ULK4: variants seen among roughly 807,000 people sequenced by gnomAD.
ULK4 encodes inactive serine/threonine-protein kinase ULK4.
In ULK4, 133 loss-of-function variants were observed where a neutral mutation model predicts 160.6. That is an observed-to-expected ratio of 0.83 (90% confidence interval 0.72 to 0.96). The LOEUF (loss-of-function observed/expected upper bound fraction) is 0.96, where lower values mean the gene tolerates loss of function less well. Ranked by LOEUF, ULK4 falls within the 40% of genes least tolerant of loss-of-function variation. The probability of loss-of-function intolerance (pLI) is 0.00; values close to 1 mark genes in which losing one functional copy is unlikely to be tolerated. For missense variants in ULK4, 1,580 were observed against 1,499.5 expected (o/e 1.05, Z -0.89); for synonymous variants, 534 against 539.8 (o/e 0.99, Z 0.15).
chr3:41,807,440 G>A (rs1395229005), intron 19 of ULK4, among the ~76,000 whole-genome samples: 1 of 152,004 alleles, frequency 6.6e-6, no homozygotes, highest in Non-Finnish European at 1.5e-5. Flanking sequence ...ATATAAAAAC[G>A]TTTACAAATG....
intron 2 of ULK4, among the ~76,000 whole-genome samples, chr3:41,954,196 G>C: frequency 9.1e-6 from 1 of 109,548 alleles, no homozygotes; most frequent in South Asian, 3.1e-4. Flanking sequence ...AAAAAAAAAA[G>C]AAAAATACAA....
intron 35 of ULK4, among the ~76,000 whole-genome samples, chr3:41,396,180 T>C (rs1470528680): frequency 6.6e-6 from 1 of 152,126 alleles, no homozygotes; most frequent in East Asian, 1.9e-4. Context: ...GAGCCCATGT[T>C]TGGTCTTTAT....
At position 41,321,685 on chromosome 3, in the gene ULK4, G is replaced by A. The variant is rs1181185489; in HGVS notation, c.3679-72111C>T. On this transcript the variant is annotated intron_variant, in intron 35 of 36. Coordinates refer to ENST00000301831, the MANE Select transcript of ULK4 (RefSeq NM_017886.4). ...CTTCCTGATAGGAGTCGGGTGAGTG[G>A]GCTCAAGCATGTGCACTAAGAGGCA... 3.5e-5 allele frequency among the ~76,000 whole-genome samples: 4 copies of A among 113,096 alleles called. 2 individuals carry two copies. Among genetic ancestry groups the A allele is most frequent in the Non-Finnish European group, 7.3e-5 (4 of 54,650 alleles). The allele number at this position is 113,096 out of a possible 152,430, so 74.2% of individuals were successfully genotyped here.
intron 17 of ULK4, among the ~76,000 whole-genome samples, chr3:41,846,825 T>A (rs960278455): frequency 7.3e-4 from 99 of 136,238 alleles, no homozygotes; most frequent in African/African-American, 2.6e-3. Context: ...AAAAAAAAAA[T>A]CTTACCATTG....
In ULK4 at chr3:41,293,602, T is replaced by C. The variant is rs185571306; in HGVS notation, c.3679-44028A>G. Among the ~76,000 whole-genome samples, 12 of 152,282 alleles carry C rather than the reference T, an allele frequency of 7.9e-5. 1 individual carries two copies. In the South Asian group the frequency reaches 1.5e-3, roughly 18 times the overall value. On this transcript the variant is annotated intron_variant, in intron 35 of 36. Coordinates refer to ENST00000301831, the MANE Select transcript of ULK4 (RefSeq NM_017886.4). ...GAGCTTTGTAGTCTGATACCCTGGG[T>C]TGAAATCCTATCTCCACTGTTTCCT...
chr3:41,688,363 G>A (rs2036167997), intron 27 of ULK4, among the ~76,000 whole-genome samples: 1 of 152,176 alleles, frequency 6.6e-6, no homozygotes. Context: ...AGACCAGCCT[G>A]AGCCACATAG....
rs756348191 is a variant in ULK4, at chr3:41,819,502, T to A, written c.1769A>T (p.Glu590Val). The change falls in exon 19 of 37, where the codon GAA (glutamate) becomes GTA (valine). Residue 590 changes from glutamate to valine, a missense_variant. Coordinates refer to ENST00000301831, the MANE Select transcript of ULK4 (RefSeq NM_017886.4). ...GCACTCTCTAGGGTTCTTTTTTTTT[T>A]CTTCCTAAAATGAAGTGGGAAAAAA... ...ELIYLVATQE[E>V]KKKNPRECWA... 6.3e-7 allele frequency: 1 copy of A among 1,598,384 alleles called. No individual in the cohort carries two copies. Among genetic ancestry groups the A allele is most frequent in the East Asian group, 2.2e-5 (1 of 44,806 alleles).
At chr3:41,700,121 T>C (rs1416085226) in intron 27 of ULK4, among the ~76,000 whole-genome samples, 1 of 152,172 alleles carries the variant, frequency 6.6e-6, no homozygotes, top group Non-Finnish European at 1.5e-5. Flanking sequence ...GTTACTTGGA[T>C]TAACATTCTT....
chr3:41,850,063 T>C (rs2042172709), intron 17 of ULK4, among the ~76,000 whole-genome samples: 1 of 152,170 alleles, frequency 6.6e-6, no homozygotes, highest in South Asian at 2.1e-4. Flanking sequence ...CATGTGGTGT[T>C]TGGTTTTTCG....
intron 21 of ULK4, among the ~76,000 whole-genome samples, chr3:41,769,796 T>C (rs1358475648): frequency 6.6e-6 from 1 of 152,174 alleles, no homozygotes; most frequent in Non-Finnish European, 1.5e-5. Flanking sequence ...AAATATTAGA[T>C]GGTAACGAGG....
intron 21 of ULK4, among the ~76,000 whole-genome samples, chr3:41,787,640 G>C (rs138635632): frequency 2.8e-3 from 424 of 152,246 alleles, no homozygotes; most frequent in African/African-American, 9.7e-3. Context: ...AAAGGTTCTG[G>C]AGATCTGTCT....
chr3:41,754,428 C>T lies in ULK4; in HGVS notation c.2254G>A (p.Ala752Thr), dbSNP rs766289940. 4 of 1,613,722 alleles carry T rather than the reference C, an allele frequency of 2.5e-6. No homozygotes were observed. The Admixed American group carries it at 6.7e-5, about 27-fold the overall frequency. ...AAAATATATAGAAGAACCAGGAAGGCTTTTGCTCTAATGCATGTTGAGGGG... is the reference window on the plus strand; with the variant it reads ...AAAATATATAGAAGAACCAGGAAGGTTTTTGCTCTAATGCATGTTGAGGGG... ...DSPSTCIRAK[A>T]FLVLLYILIY... is the part of the protein sequence containing the mutation. The change falls in exon 22 of 37, where the codon GCC becomes ACC. Residue 752 changes from alanine (A) to threonine (T), a missense_variant. By Grantham distance (58) the Ala-to-Thr change is moderately conservative. Transcript: ENST00000301831.
At chr3:41,810,454 G>C (rs2040786350) in intron 19 of ULK4, among the ~76,000 whole-genome samples, 1 of 152,084 alleles carries the variant, frequency 6.6e-6, no homozygotes, top group South Asian at 2.1e-4. Context: ...CCTCTTTGTT[G>C]AAATAAAGTT....
chr3:41,808,514 G>A (rs939500017), intron 19 of ULK4, among the ~76,000 whole-genome samples: 5 of 152,066 alleles, frequency 3.3e-5, no homozygotes, highest in Non-Finnish European at 7.3e-5. Flanking sequence ...TAAGAGTAGC[G>A]GTATTTTCTG....
chr3:41,677,272 T>C (rs955249502), intron 29 of ULK4, among the ~76,000 whole-genome samples: 4 of 152,018 alleles, frequency 2.6e-5, no homozygotes, highest in African/African-American at 9.7e-5. Flanking sequence ...ACTATCTCTT[T>C]ATAAATGGTA....
At chr3:41,934,100 G>C (rs1699685393) in intron 4 of ULK4, among the ~76,000 whole-genome samples, 3 of 151,970 alleles carry the variant, frequency 2.0e-5, no homozygotes, top group Non-Finnish European at 4.4e-5. Context: ...CTAAATGGCT[G>C]AGAAACAAAT....
chr3:41,613,991 G>A (rs950729683), intron 31 of ULK4, among the ~76,000 whole-genome samples: 2 of 152,112 alleles, frequency 1.3e-5, no homozygotes, highest in African/African-American at 2.4e-5. Context: ...TTCAAATTGT[G>A]GCATTAATCA....
intron 31 of ULK4, among the ~76,000 whole-genome samples, chr3:41,566,941 G>T (rs2125604628): frequency 6.6e-6 from 1 of 152,274 alleles, no homozygotes; most frequent in Middle Eastern, 3.4e-3. Flanking sequence ...AAAATGTAAG[G>T]TAGTACTCCT....
At chr3:41,310,857 G>C (rs1243538052) in intron 35 of ULK4, among the ~76,000 whole-genome samples, 1 of 152,076 alleles carries the variant, frequency 6.6e-6, no homozygotes, top group African/African-American at 2.4e-5. Flanking sequence ...GCTATGTGTG[G>C]TGATATGTGC....
Sources: allele counts gnomAD v4.1 joint callset (sites outside exome capture counted in the v4.1 genomes callset), GRCh38; gene constraint gnomAD v4.1.1; transcripts MANE v1.5; gene names NCBI Gene and HGNC (gene_info 2026-07-23, HGNC 2026-07-21).